FAM184A: variants seen among roughly 807,000 people sequenced by gnomAD.
The protein encoded by FAM184A is family with sequence similarity 184 member A, also known as protein FAM184A.
FAM184A carries 99 observed loss-of-function variants against 143.8 expected under a neutral mutation model. That is an observed-to-expected ratio of 0.69 (90% CI 0.58 to 0.81). The LOEUF (loss-of-function observed/expected upper bound fraction) is 0.81, where lower values mean the gene tolerates loss of function less well. Ranked by LOEUF, FAM184A falls within the 40% of genes least tolerant of loss-of-function variation. The pLI, the probability that FAM184A is intolerant of heterozygous loss-of-function variation, is 0.00. For missense variants in FAM184A, 1,217 were observed against 1,310.5 expected (o/e 0.93, Z 1.10); for synonymous variants, 427 against 446.4 (o/e 0.96, Z 0.55).
Position 118,972,354 on chromosome 6 carries a change from G to A in FAM184A, c.2915+2074C>T, listed in dbSNP as rs115182174. On this transcript the variant is annotated intron_variant, in intron 14 of 17. Transcript: ENST00000338891. ...AGAAGCTACTAACCTGGACAAAGCA[G>A]ATACAAAACATTTTCATTATCACAA... Among the ~76,000 whole-genome samples, 1,022 of 152,294 alleles carry A rather than the reference G, an allele frequency of 6.7e-3. 7 individuals are homozygous for A. The highest frequency in any genetic ancestry group is 0.023 in the African/African-American group (970 of 41,574).
At chr6:118,961,061 A>G (rs1440441550) in intron 17 of FAM184A, among the ~76,000 whole-genome samples, 2 of 152,116 alleles carry the variant, frequency 1.3e-5, no homozygotes, top group Admixed American at 1.3e-4. Context: ...TTTAGTAAGA[A>G]TAAGAAAAAA....
At chr6:119,139,381 T>G (rs1772132259) in intron 1 of FAM184A, among the ~76,000 whole-genome samples, 1 of 152,144 alleles carries the variant, frequency 6.6e-6, no homozygotes, top group Non-Finnish European at 1.5e-5. Flanking sequence ...TTATCACACT[T>G]AACTCACTGT....
chr6:119,051,258 G>A (rs893470140), intron 1 of FAM184A, among the ~76,000 whole-genome samples: 2 of 152,204 alleles, frequency 1.3e-5, no homozygotes, highest in African/African-American at 2.4e-5. Flanking sequence ...GAGATCATTA[G>A]GTTAAGTGAA....
At chr6:119,092,551 T>C (rs1369766579) in intron 1 of FAM184A, among the ~76,000 whole-genome samples, 1 of 152,202 alleles carries the variant, frequency 6.6e-6, no homozygotes, top group East Asian at 1.9e-4. Context: ...ATATTATCCA[T>C]CACCTTTATC....
intron 1 of FAM184A, among the ~76,000 whole-genome samples, chr6:119,110,067 T>A (rs995862742): frequency 1.3e-5 from 2 of 152,108 alleles, no homozygotes; most frequent in Non-Finnish European, 2.9e-5. Flanking sequence ...GTATCGTGCT[T>A]TAACTCAATA....
chr6:119,143,339 G>C (rs974245508), intron 1 of FAM184A, among the ~76,000 whole-genome samples: 2 of 152,178 alleles, frequency 1.3e-5, no homozygotes. Flanking sequence ...ACATGAACTT[G>C]CTTTATGAGA....
At chr6:118,980,495 A>G in intron 9 of FAM184A, 145 bp from the exon 10 acceptor site, 1 of 622,048 alleles carries the variant, frequency 1.6e-6, no homozygotes, top group East Asian at 2.8e-5. Context: ...TCTAAAATAT[A>G]TCATAAAAAT....
intron 1 of FAM184A, among the ~76,000 whole-genome samples, chr6:119,101,261 G>A (rs573541189): frequency 2.6e-5 from 4 of 151,754 alleles, no homozygotes; most frequent in Non-Finnish European, 4.4e-5. Context: ...TAGTAGAGAC[G>A]GGGTTTCTCC....
At chr6:119,132,549 C>T (rs1331675067) in intron 1 of FAM184A, among the ~76,000 whole-genome samples, 1 of 152,222 alleles carries the variant, frequency 6.6e-6, no homozygotes, top group Non-Finnish European at 1.5e-5. Context: ...AAGGTAATTA[C>T]AATTGTAAAG....
chr6:119,097,831 G>T (rs1016921926), intron 1 of FAM184A, among the ~76,000 whole-genome samples: 6 of 152,092 alleles, frequency 3.9e-5, no homozygotes, highest in Non-Finnish European at 8.8e-5. Flanking sequence ...GCAGGCCATA[G>T]AAACTAAAAA....
At chr6:119,084,093 A>G (rs12201376) in intron 1 of FAM184A, among the ~76,000 whole-genome samples, 1 of 151,404 alleles carries the variant, frequency 6.6e-6, no homozygotes, top group Admixed American at 6.6e-5. Flanking sequence ...GAGAGAGAGA[A>G]AGAGAGAGAG....
intron 1 of FAM184A, among the ~76,000 whole-genome samples, chr6:119,036,300 A>G (rs1786111129): frequency 6.6e-6 from 1 of 152,004 alleles, no homozygotes; most frequent in Admixed American, 6.6e-5. Flanking sequence ...TCAGCAACAG[A>G]TGTGTGTCCA....
At chr6:119,016,279 A>G (rs1322885015) in intron 5 of FAM184A, among the ~76,000 whole-genome samples, 5 of 151,962 alleles carry the variant, frequency 3.3e-5, no homozygotes, top group Non-Finnish European at 5.9e-5. Context: ...AGCATTGACA[A>G]CCCGCTCGGG....
intron 1 of FAM184A, among the ~76,000 whole-genome samples, chr6:119,050,504 TA>T (rs148556333): frequency 2.0e-5 from 3 of 148,364 alleles, no homozygotes; most frequent in African/African-American, 7.4e-5. Flanking sequence ...TATGCAGCCA[TA>T]AAAAAAAAAT....
At chr6:119,107,535 G>A (rs1788817246) in intron 1 of FAM184A, among the ~76,000 whole-genome samples, 1 of 152,144 alleles carries the variant, frequency 6.6e-6, no homozygotes, top group Non-Finnish European at 1.5e-5. Flanking sequence ...GCCAAGGTGG[G>A]CGGATCACCT....
chr6:119,090,167 G>C (rs1264366868), intron 1 of FAM184A, among the ~76,000 whole-genome samples: 1 of 152,220 alleles, frequency 6.6e-6, no homozygotes, highest in African/African-American at 2.4e-5. Flanking sequence ...ATATGAGAGA[G>C]ATAAGGAAAA....
intron 1 of FAM184A, among the ~76,000 whole-genome samples, chr6:119,041,068 C>G: frequency 6.6e-6 from 1 of 152,126 alleles, no homozygotes. Context: ...ACAGGGCCTT[C>G]AAAGTCATAT....
At chr6:119,095,877 G>T (rs77840760) in intron 1 of FAM184A, among the ~76,000 whole-genome samples, 25,117 of 151,824 alleles carry the variant, frequency 0.17, 2,703 homozygotes, top group Non-Finnish European at 0.24. Flanking sequence ...CTATTTTTTT[G>T]TGTGTGTGAA....
In FAM184A at chr6:119,008,336, G is replaced by A. The variant is rs144499590; in HGVS notation, c.1654-1728C>T. On this transcript the variant is annotated intron_variant, in intron 6 of 17. Transcript: ENST00000338891. ...TTGTATGTGGATTGGTTCAGGGGCA[G>A]GCACATGGTTTAAGCTTATCTAGTC... Among the ~76,000 whole-genome samples the A allele has an allele frequency of 1.6e-3, 239 of 152,300 alleles. 1 individual carries two copies. Among genetic ancestry groups the A allele is most frequent in the Non-Finnish European group, 2.5e-3 (170 of 68,030 alleles).
Sources: allele counts gnomAD v4.1 joint callset (sites outside exome capture counted in the v4.1 genomes callset), GRCh38; gene constraint gnomAD v4.1.1; transcripts MANE v1.5; gene names NCBI Gene and HGNC (gene_info 2026-07-23, HGNC 2026-07-21).